Variants in UNC5A observed in about 807,000 individuals in gnomAD.
UNC5A encodes netrin receptor UNC5A.
In UNC5A, 20 loss-of-function variants were observed where a neutral mutation model predicts 87.4. The ratio of observed to expected loss-of-function variants is 0.23; its 90% CI spans 0.16 to 0.33. The LOEUF is 0.33. UNC5A is among the 10% of genes least tolerant of loss of function. The pLI is 1.00. For missense variants in UNC5A, 844 were observed against 1,133.4 expected (o/e 0.74, Z 3.67); for synonymous variants, 438 against 482.3 (o/e 0.91, Z 1.20).
At chr5:176,858,335 A>C (rs941361241) in intron 1 of UNC5A, among the ~76,000 whole-genome samples, 2 of 152,146 alleles carry the variant, frequency 1.3e-5, no homozygotes, top group Non-Finnish European at 2.9e-5. Context: ...TGAGCCCTGG[A>C]GAGAAGGTAG....
chr5:176,837,783 G>A (rs1265619951), intron 1 of UNC5A, among the ~76,000 whole-genome samples: 1 of 151,990 alleles, frequency 6.6e-6, no homozygotes, highest in Non-Finnish European at 1.5e-5. Flanking sequence ...TCAGCACCGT[G>A]GACAGCCCCA....
chr5:176,861,549 G>T lies in UNC5A; in HGVS notation c.71-1075G>T, dbSNP rs1288970598. On this transcript the variant is annotated intron_variant, in intron 1 of 14. Coordinates refer to ENST00000329542, the MANE Select transcript of UNC5A (RefSeq NM_133369.3). Reference sequence around the variant, plus strand: ...GCCAGGCGTATGTGCCCCTCGGTGGGTAGGGTGGGCCCAGGCCTCCCAGTC... The same window carrying T: ...GCCAGGCGTATGTGCCCCTCGGTGGTTAGGGTGGGCCCAGGCCTCCCAGTC... Among the ~76,000 whole-genome samples the T allele has an allele frequency of 3.3e-5, 5 of 152,318 alleles. No individual in the cohort carries two copies. In the East Asian group the frequency reaches 9.7e-4, roughly 29 times the overall value.
At chr5:176,825,098 T>G (rs145890836) in intron 1 of UNC5A, among the ~76,000 whole-genome samples, 218 of 152,238 alleles carry the variant, frequency 1.4e-3, no homozygotes, top group African/African-American at 5.0e-3. Context: ...GGTGGAAACA[T>G]CTAAAAGATA....
chr5:176,832,375 G>A (rs950481652), intron 1 of UNC5A, among the ~76,000 whole-genome samples: 2 of 152,216 alleles, frequency 1.3e-5, no homozygotes, highest in Non-Finnish European at 2.9e-5. Context: ...TTAGGACAAT[G>A]GCAGGAGCAA....
chr5:176,880,075 G>A lies in UNC5A; in HGVS notation c.*189G>A, dbSNP rs1758379692. On this transcript the variant is annotated 3_prime_UTR_variant, in exon 15 of 15. Coordinates refer to ENST00000329542, the MANE Select transcript of UNC5A (RefSeq NM_133369.3). Reference sequence around the variant, plus strand: ...CTCCCACCTCTCCATGGCCTGCCTAGCCAGGCTGGCACTGCCACTCACACT... The same window carrying A: ...CTCCCACCTCTCCATGGCCTGCCTAACCAGGCTGGCACTGCCACTCACACT... 4.0e-6 allele frequency: 3 copies of A among 754,308 alleles called. No individual in the cohort carries two copies. The South Asian group carries it at 5.8e-5, about 15-fold the overall frequency. The allele number at this position is 754,308 out of a possible 1,614,324, so 46.7% of individuals were successfully genotyped here.
chr5:176,869,551 C>T lies in UNC5A; in HGVS notation c.721+587C>T. On this transcript the variant is annotated intron_variant, in intron 5 of 14. Transcript: ENST00000329542. The surrounding 1 kb of genome is among the most constrained non-coding windows in gnomAD (Gnocchi z 9.1). ...GCCCCTCTGCCCTCACGCCCCGTCCCCTGGGCCAGTGTATCTGAGGACGCC... is the reference window on the plus strand; with the variant it reads ...GCCCCTCTGCCCTCACGCCCCGTCCTCTGGGCCAGTGTATCTGAGGACGCC... 1 of 667,408 alleles carries T rather than the reference C, an allele frequency of 1.5e-6. No individual in the cohort carries two copies. The highest frequency in any genetic ancestry group is 1.6e-5 in the South Asian group (1 of 63,390). 41.3% of individuals were successfully genotyped at this position (667,408 alleles called of 1,614,324 possible). A position where few individuals can be genotyped will look rare whatever the true frequency, so the allele number is the denominator to read the frequency against.
At chr5:176,861,452 G>A (rs1378035823) in intron 1 of UNC5A, among the ~76,000 whole-genome samples, 1 of 152,216 alleles carries the variant, frequency 6.6e-6, no homozygotes, top group Non-Finnish European at 1.5e-5. Context: ...GTGAAACCAG[G>A]GTCCTGGTGA....
In UNC5A at chr5:176,879,896, G is replaced by A; in HGVS notation, c.*10G>A. On this transcript the variant is annotated 3_prime_UTR_variant, in exon 15 of 15. Transcript: ENST00000329542. ...GGAGGCTGAGTGCTGAGGCCGGCCA[G>A]GCCCGACACCTACACTCTCACCAGC... 1 of 1,551,872 alleles carries A rather than the reference G, an allele frequency of 6.4e-7. No homozygotes were observed. Among genetic ancestry groups the A allele is most frequent in the Non-Finnish European group, 8.7e-7 (1 of 1,146,490 alleles).
chr5:176,822,687 G>C (rs771987775), intron 1 of UNC5A, among the ~76,000 whole-genome samples: 2 of 152,236 alleles, frequency 1.3e-5, no homozygotes, highest in Admixed American at 1.3e-4. Flanking sequence ...CTTCAGAGCT[G>C]GTCCCTGGGC....
At chr5:176,831,797 T>A (rs1291664311) in intron 1 of UNC5A, among the ~76,000 whole-genome samples, 1 of 151,848 alleles carries the variant, frequency 6.6e-6, no homozygotes, top group Non-Finnish European at 1.5e-5. Flanking sequence ...ACCCACCATC[T>A]TCCCAAAGCC....
rs1362925990 is a variant in UNC5A, at chr5:176,824,559, A to G, written c.70+13739A>G. Among the ~76,000 whole-genome samples the G allele has an allele frequency of 2.6e-5, 4 of 152,058 alleles. No individual in the cohort carries two copies. Among genetic ancestry groups the G allele is most frequent in the Non-Finnish European group, 4.4e-5 (3 of 68,004 alleles). ...CCACGCGGCAGATAGAACATTCTAA[A>G]AAAAAAAGAGAGAAAGAGAGAGAAT... On this transcript the variant is annotated intron_variant, in intron 1 of 14. Coordinates refer to ENST00000329542, the MANE Select transcript of UNC5A (RefSeq NM_133369.3). This position sits in a 1 kb window ranked among gnomAD's most constrained non-coding sequence, Gnocchi z 4.2.
Position 176,868,225 on chromosome 5 carries a change from A to C in UNC5A, c.388A>C (p.Ser130Arg). ...ATACTGGTGCCAGTGCGTGGCATGGAGCTCCTCGGGCACCACCAAGAGTCA... is the reference window on the plus strand; with the variant it reads ...ATACTGGTGCCAGTGCGTGGCATGGCGCTCCTCGGGCACCACCAAGAGTCA... ...EEYWCQCVAW[S>R]SSGTTKSQKA... Residue 130 changes from serine (S) to arginine (R), a missense_variant, in exon 3 of 15, where the codon AGC becomes CGC. By Grantham distance (110) the Ser-to-Arg change is moderately radical. Coordinates refer to ENST00000329542, the MANE Select transcript of UNC5A (RefSeq NM_133369.3). The C allele has an allele frequency of 6.2e-7, 1 of 1,613,328 alleles. No homozygotes were observed. Among genetic ancestry groups the C allele is most frequent in the Non-Finnish European group, 8.5e-7 (1 of 1,179,864 alleles).
At chr5:176,877,352 G>A in intron 9 of UNC5A, 73 bp downstream of exon 9, 1 of 1,444,632 alleles carries the variant, frequency 6.9e-7, no homozygotes, top group Non-Finnish European at 9.5e-7. Context: ...GAAGCCCCCT[G>A]CCCACCCACT....
At chr5:176,812,924 C>T (rs1315853415) in intron 1 of UNC5A, among the ~76,000 whole-genome samples, 1 of 152,194 alleles carries the variant, frequency 6.6e-6, no homozygotes, top group Non-Finnish European at 1.5e-5. Flanking sequence ...TCCCGCGCTG[C>T]CTTTTGCCTC....
At chr5:176,836,170 A>G (rs1463284413) in intron 1 of UNC5A, among the ~76,000 whole-genome samples, 1 of 152,212 alleles carries the variant, frequency 6.6e-6, no homozygotes, top group Non-Finnish European at 1.5e-5. Flanking sequence ...ATATGGACGA[A>G]GTCTGGGGGA....
intron 1 of UNC5A, among the ~76,000 whole-genome samples, chr5:176,861,424 G>A (rs116165831): frequency 0.072 from 10,994 of 152,306 alleles, 476 homozygotes; most frequent in Admixed American, 0.15. Flanking sequence ...GCAGGAGCTG[G>A]TGCACACACC....
rs922359082 is a variant in UNC5A, at chr5:176,866,096, AC to A, written c.293-2031del. Among the ~76,000 whole-genome samples, 3 of 151,848 alleles carry A rather than the reference AC, an allele frequency of 2.0e-5. No homozygotes were observed. The highest frequency in any genetic ancestry group is 1.3e-4 in the Admixed American group (2 of 15,254). On this transcript the variant is annotated intron_variant, in intron 2 of 14. Coordinates refer to ENST00000329542, the MANE Select transcript of UNC5A (RefSeq NM_133369.3). The surrounding 1 kb of genome is among the most constrained non-coding windows in gnomAD (Gnocchi z 5.0). Reference sequence around the variant, plus strand: ...CTGGGCAGCCCAGGTTCACACACACACCCGCCCAGGCCCACTGGCCCGGGGT... The same window carrying A: ...CTGGGCAGCCCAGGTTCACACACACACCGCCCAGGCCCACTGGCCCGGGGT...
intron 1 of UNC5A, among the ~76,000 whole-genome samples, chr5:176,830,974 G>A (rs908594344): frequency 7.5e-6 from 1 of 133,550 alleles, no homozygotes; most frequent in South Asian, 2.2e-4. Flanking sequence ...GTGTGTGCTG[G>A]TGTGTGTGTG....
At chr5:176,877,425 C>A (rs368534307) in intron 9 of UNC5A, 110 bp from the exon 10 acceptor site, 2 of 1,398,210 alleles carry the variant, frequency 1.4e-6, no homozygotes. Context: ...GGTCCTGCAG[C>A]CCAAGCCCCT....
Sources: gnomAD v4.1 joint callset for allele counts (sites outside exome capture counted in the v4.1 genomes callset) on GRCh38, gnomAD v4.1.1 for gene constraint, Gnocchi (gnomAD v3.1) non-coding constraint, MANE v1.5 for transcripts, NCBI Gene and HGNC (gene_info 2026-07-23, HGNC 2026-07-21) for gene names.